Variants in SLC2A13 observed in about 807,000 individuals in gnomAD.
SLC2A13 encodes solute carrier family 2 member 13.
In SLC2A13, 32 loss-of-function variants were observed where a neutral mutation model predicts 64.4. The ratio of observed to expected loss-of-function variants is 0.50; its 90% CI spans 0.37 to 0.67. SLC2A13 has a LOEUF of 0.67. Ranked by LOEUF, SLC2A13 falls within the 30% of genes least tolerant of loss-of-function variation. SLC2A13 has a pLI of 0.00. For synonymous variants in SLC2A13, 338 were observed against 327.1 expected, an observed-to-expected ratio of 1.03 and a Z score of -0.36; for missense variants, 743 against 829.2, an observed-to-expected ratio of 0.90 and a Z score of 1.28.
chr12:39,919,502 CT>C (rs1338521601), intron 4 of SLC2A13, among the ~76,000 whole-genome samples: 2 of 151,980 alleles, frequency 1.3e-5, no homozygotes, highest in African/African-American at 4.8e-5. Flanking sequence ...GAAAAGGTTA[CT>C]CATACATTTA....
intron 3 of SLC2A13, among the ~76,000 whole-genome samples, chr12:39,959,943 A>C (rs1946380628): frequency 6.6e-6 from 1 of 152,162 alleles, no homozygotes; most frequent in Non-Finnish European, 1.5e-5. Context: ...TAAGTCCCAG[A>C]TGCATTAGCT....
intron 4 of SLC2A13, among the ~76,000 whole-genome samples, chr12:39,896,312 ATATG>A (rs1257379122): frequency 1.5e-5 from 2 of 129,456 alleles, no homozygotes; most frequent in East Asian, 2.9e-4. Flanking sequence ...ATGTATACAT[ATATG>A]TATGTATATG....
chr12:39,849,915 T>C (rs1217422562), intron 6 of SLC2A13, among the ~76,000 whole-genome samples: 3 of 152,164 alleles, frequency 2.0e-5, no homozygotes, highest in Admixed American at 6.5e-5. Context: ...CAGGGTAATA[T>C]TGTTTCTTCT....
rs1385552352 is a variant in SLC2A13, at chr12:39,895,865, T to C, written c.1035-23904A>G. Among the ~76,000 whole-genome samples the C allele has an allele frequency of 5.7e-4, 79 of 137,984 alleles. 12 individuals are homozygous for C. The highest frequency in any genetic ancestry group is 2.1e-3 in the African/African-American group (71 of 33,934). 90.5% of individuals were successfully genotyped at this position (137,984 alleles called of 152,430 possible). On this transcript the variant is annotated intron_variant, in intron 4 of 9. Coordinates refer to ENST00000280871, the MANE Select transcript of SLC2A13 (RefSeq NM_052885.4). ...ACACACATATGTATATGCGTGTATATGCACACACATATGTATATGCGTGTA... is the reference window on the plus strand; with the variant it reads ...ACACACATATGTATATGCGTGTATACGCACACACATATGTATATGCGTGTA...
At chr12:39,916,005 T>C (rs1161118995) in intron 4 of SLC2A13, among the ~76,000 whole-genome samples, 2 of 151,944 alleles carry the variant, frequency 1.3e-5, no homozygotes, top group Admixed American at 6.6e-5. Context: ...TTTCCAAGAA[T>C]TTAATCATTC....
At chr12:40,100,880 G>A (rs1205746836) in intron 1 of SLC2A13, among the ~76,000 whole-genome samples, 1 of 143,948 alleles carries the variant, frequency 6.9e-6, no homozygotes, top group Non-Finnish European at 1.5e-5. Context: ...CAGGAGAATC[G>A]CTTGAACCTG....
chr12:39,959,808 T>C (rs1312801749), intron 3 of SLC2A13, among the ~76,000 whole-genome samples: 2 of 152,240 alleles, frequency 1.3e-5, no homozygotes, highest in East Asian at 3.8e-4. Context: ...TAATTTTCTT[T>C]TTAAAAAAAT....
intron 6 of SLC2A13, among the ~76,000 whole-genome samples, chr12:39,863,679 A>G (rs766471534): frequency 5.9e-5 from 9 of 152,190 alleles, no homozygotes; most frequent in African/African-American, 9.7e-5. Flanking sequence ...TCTTAGAACA[A>G]TAAAAAGACT....
chr12:39,787,474 G>T (rs1487996977), intron 7 of SLC2A13, among the ~76,000 whole-genome samples: 1 of 152,084 alleles, frequency 6.6e-6, no homozygotes, highest in African/African-American at 2.4e-5. Flanking sequence ...CCTTTATCGG[G>T]ATTTCTAGGA....
intron 4 of SLC2A13, among the ~76,000 whole-genome samples, chr12:39,900,376 T>A (rs1287706084): frequency 6.6e-6 from 1 of 152,108 alleles, no homozygotes; most frequent in Admixed American, 6.6e-5. Flanking sequence ...GGGATTATAT[T>A]AGGAAAAGAG....
chr12:39,978,981 C>G (rs963597851), intron 3 of SLC2A13, among the ~76,000 whole-genome samples: 104 of 149,750 alleles, frequency 6.9e-4, no homozygotes, highest in African/African-American at 2.4e-3. Context: ...GATCTGAGAA[C>G]GGGCAGACTG....
intron 1 of SLC2A13, among the ~76,000 whole-genome samples, chr12:40,049,597 G>T (rs1948222583): frequency 1.3e-5 from 2 of 151,878 alleles, no homozygotes; most frequent in South Asian, 2.1e-4. Flanking sequence ...CAGTCAGAAA[G>T]GCCCACCTCC....
chr12:39,822,692 C>T (rs1251985575), intron 7 of SLC2A13, among the ~76,000 whole-genome samples: 3 of 152,238 alleles, frequency 2.0e-5, no homozygotes, highest in Admixed American at 2.0e-4. Context: ...CTTCTTTAAT[C>T]TTCTTTAGTG....
chr12:40,002,358 G>A (rs1390184055), intron 3 of SLC2A13, among the ~76,000 whole-genome samples: 1 of 152,126 alleles, frequency 6.6e-6, no homozygotes, highest in African/African-American at 2.4e-5. Context: ...TTCACACCCA[G>A]CTCTGTTTGA....
intron 5 of SLC2A13, among the ~76,000 whole-genome samples, chr12:39,866,512 G>A (rs1382542176): frequency 6.6e-6 from 1 of 151,532 alleles, no homozygotes; most frequent in East Asian, 1.9e-4. Context: ...ACGGAGTCTC[G>A]CTGTCGCCCT....
intron 1 of SLC2A13, among the ~76,000 whole-genome samples, chr12:40,055,366 C>T (rs1227306314): frequency 6.6e-6 from 1 of 152,208 alleles, no homozygotes; most frequent in African/African-American, 2.4e-5. Flanking sequence ...AGTGAAGTCT[C>T]CCATGGCTAA....
intron 7 of SLC2A13, among the ~76,000 whole-genome samples, chr12:39,813,024 T>TTTTTTTTTTTTA (rs60326584): frequency 7.4e-6 from 1 of 134,902 alleles, no homozygotes; most frequent in East Asian, 2.2e-4. Flanking sequence ...TTTTTTTTTT[T>TTTTTTTTTTTTA]AGTAGAGATG....
chr12:39,877,871 C>T (rs1475951538), intron 4 of SLC2A13, among the ~76,000 whole-genome samples: 1 of 152,140 alleles, frequency 6.6e-6, no homozygotes, highest in East Asian at 1.9e-4. Context: ...GAAATGTAGT[C>T]CCCAGTGCTG....
intron 1 of SLC2A13, among the ~76,000 whole-genome samples, chr12:40,089,266 A>G (rs577515189): frequency 6.6e-6 from 1 of 152,320 alleles, no homozygotes; most frequent in Admixed American, 6.5e-5. Context: ...ATATCCAAGA[A>G]AAGTGAATTT....
Sources: allele counts gnomAD v4.1 joint callset (sites outside exome capture counted in the v4.1 genomes callset), GRCh38; gene constraint gnomAD v4.1.1; transcripts MANE v1.5; gene names NCBI Gene and HGNC (gene_info 2026-07-23, HGNC 2026-07-21).